Variants in TBC1D9 observed in about 807,000 individuals in gnomAD.
TBC1D9 encodes the protein TBC1 domain family member 9A.
In TBC1D9, 63 loss-of-function variants were observed where a neutral mutation model predicts 132.0. The ratio of observed to expected loss-of-function variants is 0.48; its 90% confidence interval spans 0.39 to 0.59. TBC1D9 has a LOEUF of 0.59. Ranked by LOEUF, TBC1D9 falls within the 20% of genes least tolerant of loss-of-function variation. The pLI is 0.00. For synonymous variants in TBC1D9, 610 were observed against 609.9 expected, an observed-to-expected ratio of 1.00 and a Z score of 0.00; for missense variants, 1,261 against 1,592.7, an observed-to-expected ratio of 0.79 and a Z score of 3.54.
chr4:140,714,446 G>A (rs1423987641), intron 1 of TBC1D9, among the ~76,000 whole-genome samples: 2 of 152,164 alleles, frequency 1.3e-5, no homozygotes, highest in African/African-American at 2.4e-5. Context: ...TCTTAATGGC[G>A]ATTGAAAGTT....
intron 1 of TBC1D9, among the ~76,000 whole-genome samples, chr4:140,723,421 C>T (rs754270287): frequency 1.3e-5 from 2 of 152,196 alleles, no homozygotes; most frequent in Admixed American, 6.5e-5. Flanking sequence ...GAAACCTCCG[C>T]CTCCTGGGTT....
At chr4:140,668,614 T>G (rs929502168) in intron 9 of TBC1D9, among the ~76,000 whole-genome samples, 3 of 152,244 alleles carry the variant, frequency 2.0e-5, no homozygotes, top group African/African-American at 7.2e-5. Context: ...TCACAAAGTA[T>G]TCTGTTCTTT....
intron 1 of TBC1D9, among the ~76,000 whole-genome samples, chr4:140,728,812 G>A (rs958345941): frequency 6.6e-5 from 10 of 152,116 alleles, no homozygotes; most frequent in East Asian, 5.8e-4. Flanking sequence ...ACAGGTGTGC[G>A]CCACCCACAC....
intron 13 of TBC1D9, chr4:140,642,561 G>A: frequency 9.5e-7 from 1 of 1,049,776 alleles, no homozygotes; most frequent in East Asian, 2.4e-5. Context: ...CCTTTGTCGA[G>A]CTTGCTTGCC....
intron 5 of TBC1D9, among the ~76,000 whole-genome samples, 193 bp downstream of exon 5, chr4:140,678,749 T>C (rs1008172594): frequency 2.0e-5 from 3 of 152,160 alleles, no homozygotes; most frequent in African/African-American, 7.2e-5. Flanking sequence ...CCTGCTGCCT[T>C]GTGTTGGAGC....
chr4:140,694,050 A>C (rs1737914810), intron 2 of TBC1D9, among the ~76,000 whole-genome samples: 1 of 152,094 alleles, frequency 6.6e-6, no homozygotes. Context: ...CCTTTTTTTA[A>C]CTTGTTTATT....
At chr4:140,671,674 CTGTGTGTGTGTGTG>C (rs34072180) in intron 6 of TBC1D9, among the ~76,000 whole-genome samples, 37 of 141,830 alleles carry the variant, frequency 2.6e-4, no homozygotes, top group Non-Finnish European at 3.8e-4. Flanking sequence ...AACTACCAGA[CTGTGTGTGTGTGTG>C]TGTGTGTGTG....
chr4:140,662,142 G>A (rs771112593), intron 9 of TBC1D9, 35 bp from the exon 10 acceptor site: 45 of 1,551,126 alleles, frequency 2.9e-5, no homozygotes, highest in East Asian at 4.5e-5. Flanking sequence ...TATCAAAAAC[G>A]TGAGAGCTCT....
In TBC1D9 at chr4:140,621,956, C is replaced by T. The variant is rs1462611329; in HGVS notation, c.*239G>A. 8.8e-6 allele frequency: 4 copies of T among 452,770 alleles called. No individual in the cohort carries two copies. The Admixed American group carries it at 1.2e-4, about 14-fold the overall frequency. 28.0% of individuals were successfully genotyped at this position (452,770 alleles called of 1,614,324 possible). ...TCATCTTTTTGTTTTTTAGAATTCACGAAATAAACTGTATTCTGGTAAATC... is the reference window on the plus strand; with the variant it reads ...TCATCTTTTTGTTTTTTAGAATTCATGAAATAAACTGTATTCTGGTAAATC... On this transcript the variant is annotated 3_prime_UTR_variant, in exon 21 of 21. Coordinates refer to ENST00000442267, the MANE Select transcript of TBC1D9 (RefSeq NM_015130.3).
chr4:140,679,104 T>C lies in TBC1D9; in HGVS notation c.689A>G (p.His230Arg). Residue 230 changes from histidine to arginine, a missense_variant, in exon 5 of 21, where the codon CAT (histidine) becomes CGT (arginine). Transcript: ENST00000442267. ...VIKVSTRSSE[H>R]FFSVFLNINE... Reference sequence around the variant, plus strand: ...GATGTTGAGGAATACAGAGAAGAAATGCTCACTGGACCGTGTGCTCACTTT... The same window carrying C: ...GATGTTGAGGAATACAGAGAAGAAACGCTCACTGGACCGTGTGCTCACTTT... 6.2e-7 allele frequency: 1 copy of C among 1,613,912 alleles called. No homozygotes were observed. The highest frequency in any genetic ancestry group is 1.1e-5 in the South Asian group (1 of 91,080).
intron 16 of TBC1D9, among the ~76,000 whole-genome samples, chr4:140,628,593 G>A (rs1736744324): frequency 6.6e-6 from 1 of 152,120 alleles, no homozygotes; most frequent in Admixed American, 6.5e-5. Flanking sequence ...TCTGTACCTC[G>A]GTTTCCCCTC....
In TBC1D9 at chr4:140,621,917, T is replaced by C; in HGVS notation, c.*278A>G. On this transcript the variant is annotated 3_prime_UTR_variant, in exon 21 of 21. Transcript: ENST00000442267. ...AGATTAATAAGTTATAATACACACA[T>C]ATCACTGACAGATTCATCTTTTTGT... 3.0e-6 allele frequency: 1 copy of C among 334,480 alleles called. No homozygotes were observed. The highest frequency in any genetic ancestry group is 5.4e-6 in the Non-Finnish European group (1 of 186,224). 20.7% of individuals were successfully genotyped at this position (334,480 alleles called of 1,614,324 possible).
At chr4:140,641,137 G>A (rs985162190) in intron 13 of TBC1D9, among the ~76,000 whole-genome samples, 3 of 140,252 alleles carry the variant, frequency 2.1e-5, no homozygotes, top group East Asian at 2.0e-4. Context: ...AGCATATTCC[G>A]TGAGATTCCA....
At chr4:140,742,193 A>G (rs1335687174) in intron 1 of TBC1D9, among the ~76,000 whole-genome samples, 1 of 152,120 alleles carries the variant, frequency 6.6e-6, no homozygotes, top group African/African-American at 2.4e-5. Context: ...AAACTGTGAC[A>G]TGCCATTTGA....
At chr4:140,749,791 T>C (rs1299362599) in intron 1 of TBC1D9, among the ~76,000 whole-genome samples, 1 of 152,088 alleles carries the variant, frequency 6.6e-6, no homozygotes, top group Non-Finnish European at 1.5e-5. Flanking sequence ...AGAGATACCA[T>C]AAAAATACTA....
At chr4:140,636,926 G>C (rs1736889983) in intron 15 of TBC1D9, among the ~76,000 whole-genome samples, 1 of 152,184 alleles carries the variant, frequency 6.6e-6, no homozygotes. Context: ...AGGAACCTGT[G>C]TTTTCAACAC....
In TBC1D9 at chr4:140,639,072, A is replaced by T; in HGVS notation, c.2505+14T>A. 6.4e-7 allele frequency: 1 copy of T among 1,572,014 alleles called. No homozygotes were observed. The highest frequency in any genetic ancestry group is 8.6e-7 in the Non-Finnish European group (1 of 1,156,154). ...TACTCCTTTGAATGGGCATGAATTT[A>T]CCTTGCAACTCACCTTGAAAAGAGC... On this transcript the variant is annotated intron_variant, in intron 15 of 20. Coordinates refer to ENST00000442267, the MANE Select transcript of TBC1D9 (RefSeq NM_015130.3).
chr4:140,665,214 G>A (rs1300608088), intron 9 of TBC1D9, among the ~76,000 whole-genome samples: 2 of 151,858 alleles, frequency 1.3e-5, no homozygotes, highest in African/African-American at 4.8e-5. Flanking sequence ...TGTCATGAGA[G>A]CAGAGTGACA....
At chr4:140,691,200 C>A (rs1358725322) in intron 2 of TBC1D9, among the ~76,000 whole-genome samples, 9 of 152,266 alleles carry the variant, frequency 5.9e-5, no homozygotes, top group African/African-American at 1.9e-4. Flanking sequence ...AAGCAGGTGG[C>A]CACTTCTGTC....
Sources: gnomAD v4.1 joint callset for allele counts (sites outside exome capture counted in the v4.1 genomes callset) on GRCh38, gnomAD v4.1.1 for gene constraint, MANE v1.5 for transcripts, NCBI Gene and HGNC (gene_info 2026-07-23, HGNC 2026-07-21) for gene names.